Variants in BPIFC observed in about 807,000 individuals in gnomAD.
BPIFC encodes the protein BPI fold-containing family C protein.
Under a neutral mutation model 57.6 loss-of-function variants are expected in BPIFC, and 60 were observed. The ratio of observed to expected loss-of-function variants is 1.04; its 90% CI spans 0.85 to 1.29. The LOEUF (loss-of-function observed/expected upper bound fraction) is 1.29, where lower values mean the gene tolerates loss of function less well. BPIFC is among the 50% of genes most tolerant of loss of function. The probability of loss-of-function intolerance (pLI) is 0.00; values close to 1 mark genes in which losing one functional copy is unlikely to be tolerated. For synonymous variants in BPIFC, 243 were observed against 224.5 expected (o/e 1.08, Z -0.74); for missense variants, 581 against 600.5 (o/e 0.97, Z 0.34).
At chr22:32,424,276 A>T (rs569323824) in intron 13 of BPIFC, among the ~76,000 whole-genome samples, 1 of 152,310 alleles carries the variant, frequency 6.6e-6, no homozygotes, top group South Asian at 2.1e-4. Context: ...CTGACTCCAG[A>T]GACTGTGCTC....
At chr22:32,417,058 T>C in intron 15 of BPIFC, 27 bp downstream of exon 15, 1 of 1,543,942 alleles carries the variant, frequency 6.5e-7, no homozygotes, top group South Asian at 1.1e-5. Context: ...GATGTTACAG[T>C]CACATTGTTT....
intron 11 of BPIFC, 109 bp downstream of exon 11, chr22:32,433,610 A>G (rs1226830760): frequency 8.5e-6 from 8 of 942,578 alleles, no homozygotes; most frequent in African/African-American, 1.6e-5. Context: ...ACTCCCAATA[A>G]TAGACAGAGG....
At chr22:32,424,734 CTTCT>C (rs1933998368) in intron 13 of BPIFC, among the ~76,000 whole-genome samples, 1 of 91,294 alleles carries the variant, frequency 1.1e-5, no homozygotes, top group Non-Finnish European at 2.1e-5. Context: ...TCTTCCTCTT[CTTCT>C]TCCTCTTCTT....
At chr22:32,433,872 G>T in intron 10 of BPIFC, 100 bp from the exon 11 acceptor site, 2 of 992,670 alleles carry the variant, frequency 2.0e-6, no homozygotes, top group Non-Finnish European at 3.2e-6. Context: ...TTGTGAAGCT[G>T]TTACACCATA....
At chr22:32,436,385 G>C (rs1198714136) in intron 9 of BPIFC, among the ~76,000 whole-genome samples, 2 of 138,390 alleles carry the variant, frequency 1.4e-5, no homozygotes, top group Non-Finnish European at 3.1e-5. Flanking sequence ...AGGAAGAGGA[G>C]GAGGAGGAAG....
chr22:32,433,385 CA>C (rs2145931197), intron 11 of BPIFC, among the ~76,000 whole-genome samples: 1 of 152,324 alleles, frequency 6.6e-6, no homozygotes, highest in African/African-American at 2.4e-5. Context: ...ACTACAGTTA[CA>C]AGTGTGGGCA....
intron 8 of BPIFC, among the ~76,000 whole-genome samples, chr22:32,438,461 A>G (rs1934472303): frequency 6.6e-6 from 1 of 152,120 alleles, no homozygotes; most frequent in South Asian, 2.1e-4. Flanking sequence ...GTACAATCTC[A>G]GCTCACTGCA....
At chr22:32,448,025 A>AGG (rs1204658051) in intron 4 of BPIFC, among the ~76,000 whole-genome samples, 2 of 152,040 alleles carry the variant, frequency 1.3e-5, no homozygotes, top group African/African-American at 4.8e-5. Context: ...GTTTCACGAA[A>AGG]GGGGTGATAT....
Position 32,459,689 on chromosome 22 carries a change from A to G in BPIFC, c.-1+1885T>C, listed in dbSNP as rs1601488914. On this transcript the variant is annotated intron_variant, in intron 2 of 16. Coordinates refer to ENST00000300399, the MANE Select transcript of BPIFC (RefSeq NM_174932.3). The stretch of plus-strand genomic sequence containing the variant: ...AAAAATAAAAAATAAAAATTAAAAA[A>G]AAAACTAAAAAATTAGCTGAGGATG... Among the ~76,000 whole-genome samples the G allele has an allele frequency of 2.0e-5, 3 of 151,828 alleles. No homozygotes were observed. In the South Asian group the frequency reaches 6.2e-4, roughly 32 times the overall value.
At chr22:32,434,467 T>A (rs1027256670) in intron 10 of BPIFC, among the ~76,000 whole-genome samples, 3 of 149,986 alleles carry the variant, frequency 2.0e-5, no homozygotes, top group Non-Finnish European at 3.0e-5. Context: ...CATCTATGTG[T>A]ACATATTCTT....
At chr22:32,461,776 G>A (rs971788900) in intron 1 of BPIFC, 115 bp from the exon 2 acceptor site, 2 of 328,868 alleles carry the variant, frequency 6.1e-6, no homozygotes, top group Non-Finnish European at 8.7e-6. Context: ...TTAACATATG[G>A]CGAGGCCAAA....
At chr22:32,419,025 A>G (rs1933761049) in intron 14 of BPIFC, among the ~76,000 whole-genome samples, 3 of 152,134 alleles carry the variant, frequency 2.0e-5, no homozygotes, top group Non-Finnish European at 4.4e-5. Context: ...ATGTAACTCT[A>G]TATGTCTCGT....
intron 13 of BPIFC, among the ~76,000 whole-genome samples, chr22:32,425,543 T>C (rs1318574131): frequency 2.0e-5 from 3 of 152,244 alleles, no homozygotes; most frequent in African/African-American, 7.2e-5. Context: ...CTCCTTGTCC[T>C]GGCTGAGGCT....
At position 32,414,416 on chromosome 22, in the gene BPIFC, A is replaced by G. The variant is rs775276948; in HGVS notation, c.1411T>C (p.Leu471=). ...SDIEVLEGFL[L]ISTDLKYETS... is the part of the protein sequence containing the mutation. Reference sequence around the variant, plus strand: ...TCATACTTCAGGTCGGTGGAAATCAAAAGGAAACCCTGGAAAGGATGTGAC... The same window carrying G: ...TCATACTTCAGGTCGGTGGAAATCAGAAGGAAACCCTGGAAAGGATGTGAC... Residue 471 remains leucine, a synonymous_variant, in exon 17 of 17, where the codon TTG becomes CTG. Coordinates refer to ENST00000300399, the MANE Select transcript of BPIFC (RefSeq NM_174932.3). 5 of 1,613,598 alleles carry G rather than the reference A, an allele frequency of 3.1e-6. No individual in the cohort carries two copies. In the African/African-American group the frequency reaches 6.7e-5, roughly 22 times the overall value.
Position 32,435,712 on chromosome 22 carries a change from TG to T in BPIFC, c.915del (p.Thr306ProfsTer34). ...CAGTTAACTCTCCTCACCTCTTCGG[TG>T]GAGAGAGTGACATTGAAAACCCCAG... The part of the protein sequence containing the change: ...FTAGVFNVTL[S>X]TEEISNHFVQ... On this transcript the variant is annotated frameshift_variant, in exon 10 of 17. Coordinates refer to ENST00000300399, the MANE Select transcript of BPIFC (RefSeq NM_174932.3). LOFTEE classifies it high-confidence loss of function. 6.2e-7 allele frequency: 1 copy of T among 1,613,194 alleles called. No homozygotes were observed.
intron 2 of BPIFC, among the ~76,000 whole-genome samples, chr22:32,460,721 C>T (rs1361756844): frequency 1.3e-5 from 2 of 152,212 alleles, no homozygotes; most frequent in African/African-American, 2.4e-5. Flanking sequence ...TATGACTTCC[C>T]TGAGTTAATT....
At chr22:32,447,392 A>G (rs1224945956) in intron 4 of BPIFC, 52 bp from the exon 5 acceptor site, 2 of 1,576,830 alleles carry the variant, frequency 1.3e-6, no homozygotes, top group South Asian at 2.3e-5. Flanking sequence ...ACATCTCTTC[A>G]GTCAAGCAAA....
intron 13 of BPIFC, among the ~76,000 whole-genome samples, chr22:32,424,451 A>C (rs1210649951): frequency 2.0e-5 from 3 of 151,940 alleles, no homozygotes; most frequent in Admixed American, 2.0e-4. Context: ...TCTTTTATCA[A>C]TGCTGAATAT....
chr22:32,430,515 T>C (rs1426892580), intron 13 of BPIFC, among the ~76,000 whole-genome samples: 2 of 146,058 alleles, frequency 1.4e-5, no homozygotes, highest in East Asian at 1.9e-4. Flanking sequence ...ATAAATATAA[T>C]ATATAAAACA....
Sources: allele counts gnomAD v4.1 joint callset (sites outside exome capture counted in the v4.1 genomes callset), GRCh38; gene constraint gnomAD v4.1.1; transcripts MANE v1.5; gene names NCBI Gene and HGNC (gene_info 2026-07-23, HGNC 2026-07-21).